Variants in PSMD14 observed in about 807,000 individuals in gnomAD.
The protein encoded by PSMD14 is proteasome 26S subunit, non-ATPase 14, also known as ubiquitin C-terminal hydrolase PSMD14.
Under a neutral mutation model 41.2 loss-of-function variants are expected in PSMD14, and 7 were observed. That is an observed-to-expected ratio of 0.17 (90% confidence interval 0.10 to 0.32). PSMD14 has a LOEUF of 0.32. Among genes scored for constraint, PSMD14 ranks in the 10% least tolerant of loss-of-function variants. PSMD14 has a pLI of 1.00. For synonymous variants in PSMD14, 114 were observed against 122.3 expected, an observed-to-expected ratio of 0.93 and a Z score of 0.45; for missense variants, 139 against 375.6, an observed-to-expected ratio of 0.37 and a Z score of 5.21.
chr2:161,398,523 G>A (rs970463273), intron 10 of PSMD14, among the ~76,000 whole-genome samples: 4 of 151,768 alleles, frequency 2.6e-5, no homozygotes, highest in Admixed American at 6.6e-5. Context: ...TTATTCATGC[G>A]GAGATGCATC....
At chr2:161,341,303 C>T in intron 3 of PSMD14, 2 of 1,020,692 alleles carry the variant, frequency 2.0e-6, no homozygotes, top group Non-Finnish European at 2.3e-6. Context: ...GCAGCGCGGC[C>T]AGCAGCTCGG....
chr2:161,311,289 A>G (rs1264773665), intron 1 of PSMD14, among the ~76,000 whole-genome samples: 1 of 152,208 alleles, frequency 6.6e-6, no homozygotes, highest in East Asian at 1.9e-4. Context: ...AGCCTGGGCA[A>G]CAGAGCGAGA....
intron 7 of PSMD14, among the ~76,000 whole-genome samples, chr2:161,376,550 T>C (rs1683505381): frequency 6.6e-6 from 1 of 151,924 alleles, no homozygotes; most frequent in African/African-American, 2.4e-5. Context: ...AAATGAAGAC[T>C]TCCCTTCTTA....
chr2:161,368,047 G>T, intron 5 of PSMD14, 144 bp downstream of exon 5: 1 of 1,021,180 alleles, frequency 9.8e-7, no homozygotes, highest in Non-Finnish European at 1.4e-6. Context: ...TTTTTAGATT[G>T]TATTGAATTA....
intron 3 of PSMD14, among the ~76,000 whole-genome samples, chr2:161,325,083 G>A (rs1682674062): frequency 6.6e-6 from 1 of 151,826 alleles, no homozygotes; most frequent in Non-Finnish European, 1.5e-5. Flanking sequence ...GTAAAATTAG[G>A]GTATTTTACA....
chr2:161,367,962 C>T, intron 5 of PSMD14, 59 bp downstream of exon 5: 7 of 1,534,776 alleles, frequency 4.6e-6, no homozygotes, highest in Non-Finnish European at 6.2e-6. Context: ...TTTTTCTTTT[C>T]CTATGCAAAC....
At chr2:161,334,481 C>T (rs565534272) in intron 3 of PSMD14, among the ~76,000 whole-genome samples, 1 of 152,154 alleles carries the variant, frequency 6.6e-6, no homozygotes, top group East Asian at 1.9e-4. Flanking sequence ...AATAGGTTTC[C>T]CTTTACAGGT....
intron 7 of PSMD14, chr2:161,381,964 T>C (rs1683576241): frequency 6.6e-6 from 1 of 151,854 alleles, no homozygotes; most frequent in Admixed American, 6.6e-5. Context: ...AAGCTAATTA[T>C]ATTTGCAAGG....
chr2:161,352,859 A>G (rs752583809), intron 3 of PSMD14, among the ~76,000 whole-genome samples: 26 of 152,168 alleles, frequency 1.7e-4, no homozygotes, highest in Non-Finnish European at 3.1e-4. Flanking sequence ...TTCTGTGTTA[A>G]CACCTCCAGG....
At chr2:161,370,490 T>C (rs891875384) in intron 6 of PSMD14, among the ~76,000 whole-genome samples, 4 of 152,134 alleles carry the variant, frequency 2.6e-5, no homozygotes, top group Non-Finnish European at 5.9e-5. Flanking sequence ...AGAGCTTGTA[T>C]GTTCCATGTA....
At chr2:161,401,922 C>T (rs6733456) in intron 10 of PSMD14, among the ~76,000 whole-genome samples, 94,634 of 151,962 alleles carry the variant, frequency 0.62, 30,460 homozygotes, top group Non-Finnish European at 0.71. Flanking sequence ...TGGCTAGAGG[C>T]AAGTCAGCCT....
At chr2:161,389,804 C>T (rs1683682222) in intron 8 of PSMD14, among the ~76,000 whole-genome samples, 1 of 150,762 alleles carries the variant, frequency 6.6e-6, no homozygotes, top group South Asian at 2.1e-4. Context: ...TCAGAATGAC[C>T]TAGGTTCAGA....
intron 7 of PSMD14, among the ~76,000 whole-genome samples, chr2:161,375,255 A>G (rs1289441813): frequency 1.3e-5 from 2 of 152,022 alleles, no homozygotes; most frequent in African/African-American, 4.8e-5. Context: ...GTAGTGAGCA[A>G]GATCTTATTC....
At chr2:161,329,551 T>A (rs1167459163) in intron 3 of PSMD14, among the ~76,000 whole-genome samples, 2 of 152,120 alleles carry the variant, frequency 1.3e-5, no homozygotes, top group Non-Finnish European at 2.9e-5. Flanking sequence ...TTTATGAAGG[T>A]CCTTTCTAAA....
At chr2:161,321,128 A>C (rs1391374471) in intron 3 of PSMD14, among the ~76,000 whole-genome samples, 2 of 152,214 alleles carry the variant, frequency 1.3e-5, no homozygotes, top group Non-Finnish European at 2.9e-5. Context: ...AAGGAGACAC[A>C]AATTGGCCCT....
At chr2:161,375,462 A>G (rs1159891968) in intron 7 of PSMD14, among the ~76,000 whole-genome samples, 2 of 152,050 alleles carry the variant, frequency 1.3e-5, no homozygotes. Context: ...AAATTAGAAC[A>G]AGGGAGAAAT....
At chr2:161,353,862 T>C (rs1683154320) in intron 3 of PSMD14, among the ~76,000 whole-genome samples, 1 of 152,224 alleles carries the variant, frequency 6.6e-6, no homozygotes, top group African/African-American at 2.4e-5. Context: ...TCTCTGTGTG[T>C]AATATTTCAT....
At chr2:161,363,600 C>A (rs1316598603) in intron 3 of PSMD14, among the ~76,000 whole-genome samples, 1 of 152,136 alleles carries the variant, frequency 6.6e-6, no homozygotes, top group Non-Finnish European at 1.5e-5. Context: ...CAGAATACTG[C>A]CCCCCAGGAG....
At chr2:161,329,460 C>A (rs1682754334) in intron 3 of PSMD14, among the ~76,000 whole-genome samples, 1 of 152,040 alleles carries the variant, frequency 6.6e-6, no homozygotes, top group Non-Finnish European at 1.5e-5. Context: ...TTTAGCTTAG[C>A]TGTATTGACA....
Sources: gnomAD v4.1 joint callset for allele counts (sites outside exome capture counted in the v4.1 genomes callset) on GRCh38, gnomAD v4.1.1 for gene constraint, MANE v1.5 for transcripts, NCBI Gene and HGNC (gene_info 2026-07-23, HGNC 2026-07-21) for gene names.